AAK1: variants seen among roughly 807,000 people sequenced by gnomAD.
AAK1 encodes AP2 associated kinase 1, also known as AP2-associated protein kinase 1.
A neutral mutation model predicts 116.0 loss-of-function variants in AAK1; 37 were observed. That is an observed-to-expected ratio of 0.32 (90% CI 0.25 to 0.42). The LOEUF (loss-of-function observed/expected upper bound fraction) is 0.42, where lower values mean the gene tolerates loss of function less well. AAK1 is among the 10% of genes least tolerant of loss of function. The pLI is 1.00. For synonymous variants in AAK1, 458 were observed against 439.9 expected, an observed-to-expected ratio of 1.04 and a Z score of -0.51; for missense variants, 919 against 1,170.6, an observed-to-expected ratio of 0.79 and a Z score of 3.14.
intron 2 of AAK1, among the ~76,000 whole-genome samples, chr2:69,630,753 T>G (rs1056899660): frequency 2.6e-5 from 4 of 152,172 alleles, no homozygotes; most frequent in African/African-American, 9.7e-5. Context: ...AAGGAGAACA[T>G]CATAGCACTC....
intron 2 of AAK1, among the ~76,000 whole-genome samples, chr2:69,611,524 G>A (rs1446516400): frequency 2.0e-5 from 3 of 152,198 alleles, no homozygotes; most frequent in African/African-American, 4.8e-5. Flanking sequence ...CTCTCTCCCC[G>A]AGCTTGCAGA....
chr2:69,505,652 C>A lies in AAK1; in HGVS notation c.2186G>T (p.Gly729Val). 1.2e-6 allele frequency: 2 copies of A among 1,613,594 alleles called. No individual in the cohort carries two copies. The highest frequency in any genetic ancestry group is 1.7e-6 in the Non-Finnish European group (2 of 1,179,676). ...TGGGATCAAACTCTCAGCTGAGCCTCCAAGCTTCTCGGGATGTTTGCCTGG... is the reference window on the plus strand; with the variant it reads ...TGGGATCAAACTCTCAGCTGAGCCTACAAGCTTCTCGGGATGTTTGCCTGG... ...LGEGKHPEKL[G>V]GSAESLIPGF... Residue 729 changes from glycine (G) to valine (V), a missense_variant, in exon 16 of 22, where the codon GGA (glycine) becomes GTA (valine). Coordinates refer to ENST00000409085, the MANE Select transcript of AAK1 (RefSeq NM_014911.5).
chr2:69,530,159 A>G lies in AAK1; in HGVS notation c.739-19T>C, dbSNP rs3732271. On this transcript the variant is annotated intron_variant, in intron 7 of 21. Coordinates refer to ENST00000409085, the MANE Select transcript of AAK1 (RefSeq NM_014911.5). ...CAAGAGCCTAAAAAATAAAGATAGC[A>G]GATTGCTACTAGTGGCTTATTTATC... 35,820 of 1,597,876 alleles carry G rather than the reference A, an allele frequency of 0.022. 2,914 individuals are homozygous for G. The highest frequency in any genetic ancestry group is 0.19 in the East Asian group (8,542 of 44,556).
At chr2:69,568,425 CTTTTTTTT>C (rs61271799) in intron 2 of AAK1, among the ~76,000 whole-genome samples, 2 of 122,204 alleles carry the variant, frequency 1.6e-5, no homozygotes, top group South Asian at 5.4e-4. Context: ...ATGTTTTCAA[CTTTTTTTT>C]TTTTTTTTTT....
rs191241639 is a variant in AAK1 at position 69,593,172 on chromosome 2, T to C, written c.164-36194A>G. ...TAGACATCCATTGATCCAACAATTA[T>C]TTTGGGACTCTGATGAAATGTAGAA... is the stretch of plus-strand genomic sequence containing the variant. On this transcript the variant is annotated intron_variant, in intron 2 of 21. Transcript: ENST00000409085. 4.6e-5 allele frequency among the ~76,000 whole-genome samples: 7 copies of C among 152,320 alleles called. No individual in the cohort carries two copies. In the East Asian group the frequency reaches 1.3e-3, roughly 29 times the overall value.
chr2:69,514,546 G>A lies in AAK1; in HGVS notation c.1701C>T (p.Pro567=), dbSNP rs762158961. The change falls in exon 13 of 22, where the codon CCC becomes CCT. Residue 567 remains proline (P), a synonymous_variant. Coordinates refer to ENST00000409085, the MANE Select transcript of AAK1 (RefSeq NM_014911.5). ...MTQQAALQQK[P]TMAAGQQPQP... The stretch of plus-strand genomic sequence containing the variant: ...GGGGCTGCTGTCCTGCTGCCATAGT[G>A]GGCTTTTGCTGCAAGGCAGCCTGCT... 1.3e-6 allele frequency: 2 copies of A among 1,553,938 alleles called. No homozygotes were observed. The highest frequency in any genetic ancestry group is 2.4e-5 in the South Asian group (2 of 84,218).
intron 3 of AAK1, among the ~76,000 whole-genome samples, chr2:69,548,708 G>C (rs1228116752): frequency 2.0e-5 from 3 of 151,874 alleles, no homozygotes; most frequent in Non-Finnish European, 2.9e-5. Flanking sequence ...GGGTTCAAGT[G>C]ATTCTCCTGC....
intron 2 of AAK1, among the ~76,000 whole-genome samples, chr2:69,632,522 G>A (rs1451693042): frequency 6.6e-6 from 1 of 152,242 alleles, no homozygotes; most frequent in Non-Finnish European, 1.5e-5. Context: ...GGAAGAGACA[G>A]TAGTTGGGAG....
At chr2:69,533,218 T>C (rs1167729697) in intron 5 of AAK1, among the ~76,000 whole-genome samples, 2 of 152,204 alleles carry the variant, frequency 1.3e-5, no homozygotes, top group Non-Finnish European at 2.9e-5. Flanking sequence ...AAGCATCTTC[T>C]TATAATCATA....
At chr2:69,620,251 G>C (rs956889497) in intron 2 of AAK1, among the ~76,000 whole-genome samples, 5 of 152,178 alleles carry the variant, frequency 3.3e-5, no homozygotes, top group African/African-American at 1.2e-4. Flanking sequence ...GTATCTAAAA[G>C]AATGGAATTG....
At chr2:69,559,298 ACTCTCT>A (rs1043202922) in intron 2 of AAK1, among the ~76,000 whole-genome samples, 2 of 78,380 alleles carry the variant, frequency 2.6e-5, no homozygotes, top group East Asian at 1.2e-3. Flanking sequence ...ACACACACAC[ACTCTCT>A]CTCTCCTCAA....
chr2:69,566,243 C>T (rs1671861252), intron 2 of AAK1, among the ~76,000 whole-genome samples: 1 of 152,132 alleles, frequency 6.6e-6, no homozygotes, highest in South Asian at 2.1e-4. Context: ...AACTCTAGAA[C>T]AGATGGCAAG....
Position 69,467,391 on chromosome 2 carries a change from A to G in AAK1, c.*8478T>C. The G allele has an allele frequency of 1.5e-5, 15 of 985,462 alleles. No homozygotes were observed. Among genetic ancestry groups the G allele is most frequent in the East Asian group, 1.1e-4 (1 of 8,818 alleles). 61.0% of individuals were successfully genotyped at this position (985,462 alleles called of 1,614,324 possible). A position where few individuals can be genotyped will look rare whatever the true frequency, so the allele number is the denominator to read the frequency against. On this transcript the variant is annotated 3_prime_UTR_variant, in exon 22 of 22. Transcript: ENST00000409085. ...TCTGGCTTTTAAAATCAAATAGACA[A>G]TTATCAGAATGCAAGAGAGCTTACC...
At chr2:69,482,425 A>G in intron 18 of AAK1, 3 of 599,334 alleles carry the variant, frequency 5.0e-6, no homozygotes, top group Admixed American at 3.1e-5. Flanking sequence ...TTAGAAACCA[A>G]TTTTTTAAAG....
intron 4 of AAK1, among the ~76,000 whole-genome samples, 188 bp from the exon 5 acceptor site, chr2:69,542,853 G>T (rs1670777063): frequency 6.6e-6 from 1 of 152,116 alleles, no homozygotes; most frequent in Non-Finnish European, 1.5e-5. Flanking sequence ...TTATAATTCA[G>T]TGTCTCCTCT....
chr2:69,483,358 A>G lies in AAK1; in HGVS notation c.2366-546T>C, dbSNP rs540420463. Among the ~76,000 whole-genome samples the G allele has an allele frequency of 6.6e-5, 10 of 152,304 alleles. No individual in the cohort carries two copies. The South Asian group carries it at 1.7e-3, about 25-fold the overall frequency. On this transcript the variant is annotated intron_variant, in intron 17 of 21. Coordinates refer to ENST00000409085, the MANE Select transcript of AAK1 (RefSeq NM_014911.5). ...TTGTGTGTGGTTTCCTTCCTTTGGC[A>G]TAATGCCTTTGAGATGAAAGTCATC... is the stretch of plus-strand genomic sequence containing the variant.
At chr2:69,499,493 T>C (rs1675887660) in intron 16 of AAK1, among the ~76,000 whole-genome samples, 1 of 152,220 alleles carries the variant, frequency 6.6e-6, no homozygotes, top group Non-Finnish European at 1.5e-5. Flanking sequence ...TGAGCACCAC[T>C]GCAATCATGA....
At chr2:69,608,583 G>C (rs1477079409) in intron 2 of AAK1, among the ~76,000 whole-genome samples, 1 of 152,144 alleles carries the variant, frequency 6.6e-6, no homozygotes, top group Non-Finnish European at 1.5e-5. Flanking sequence ...TTGAATACTG[G>C]TTTAAATAGT....
chr2:69,632,853 G>A (rs1182342663), intron 2 of AAK1, among the ~76,000 whole-genome samples: 2 of 152,002 alleles, frequency 1.3e-5, no homozygotes, highest in Admixed American at 6.6e-5. Context: ...CTATCACGGT[G>A]AAACCCCGTC....
Sources: allele counts gnomAD v4.1 joint callset (sites outside exome capture counted in the v4.1 genomes callset), GRCh38; gene constraint gnomAD v4.1.1; transcripts MANE v1.5; gene names NCBI Gene and HGNC (gene_info 2026-07-23, HGNC 2026-07-21).